ZNF804A: variants seen among roughly 807,000 people sequenced by gnomAD.
ZNF804A encodes the protein zinc finger protein 804A.
Under a neutral mutation model 16.5 loss-of-function variants are expected in ZNF804A, and 2 were observed. That is an observed-to-expected ratio of 0.12 (90% confidence interval 0.05 to 0.38). The LOEUF (loss-of-function observed/expected upper bound fraction) is 0.38, where lower values mean the gene tolerates loss of function less well. Ranked by LOEUF, ZNF804A falls within the 10% of genes least tolerant of loss-of-function variation. The pLI, the probability that ZNF804A is intolerant of heterozygous loss-of-function variation, is 0.99. For synonymous variants in ZNF804A, 534 were observed against 489.6 expected, an observed-to-expected ratio of 1.09 and a Z score of -1.20; for missense variants, 1,473 against 1,390.7, an observed-to-expected ratio of 1.06 and a Z score of -0.94.
chr2:184,834,135 AC>A (rs1558976361), intron 1 of ZNF804A, among the ~76,000 whole-genome samples: 1 of 152,104 alleles, frequency 6.6e-6, no homozygotes, highest in African/African-American at 2.4e-5. Context: ...TTATAAAAAT[AC>A]TTTTTATCTC....
intron 1 of ZNF804A, among the ~76,000 whole-genome samples, chr2:184,661,253 G>T (rs1364880950): frequency 3.3e-5 from 5 of 152,018 alleles, no homozygotes; most frequent in Non-Finnish European, 7.4e-5. Flanking sequence ...CAGCATGCCA[G>T]CCAGGAGTGT....
At chr2:184,815,793 A>G (rs545862494) in intron 1 of ZNF804A, among the ~76,000 whole-genome samples, 126 of 152,168 alleles carry the variant, frequency 8.3e-4, no homozygotes, top group African/African-American at 3.0e-3. Flanking sequence ...AACATCTTAC[A>G]ATGAATGAAA....
At chr2:184,927,608 T>C (rs557185202) in intron 2 of ZNF804A, among the ~76,000 whole-genome samples, 1 of 152,294 alleles carries the variant, frequency 6.6e-6, no homozygotes, top group East Asian at 1.9e-4. Flanking sequence ...AGAGGTTATG[T>C]CTTAAAGCCA....
At chr2:184,725,923 A>T (rs1467553643) in intron 1 of ZNF804A, among the ~76,000 whole-genome samples, 2 of 151,630 alleles carry the variant, frequency 1.3e-5, no homozygotes, top group South Asian at 4.1e-4. Flanking sequence ...ATTCAGCATG[A>T]TGTTCCTGAG....
At chr2:184,620,567 T>C (rs1691401651) in intron 1 of ZNF804A, among the ~76,000 whole-genome samples, 1 of 151,778 alleles carries the variant, frequency 6.6e-6, no homozygotes, top group Non-Finnish European at 1.5e-5. Context: ...ATGATGATTC[T>C]CCCTTTATGA....
At chr2:184,701,500 T>C (rs1439384914) in intron 1 of ZNF804A, among the ~76,000 whole-genome samples, 1 of 151,888 alleles carries the variant, frequency 6.6e-6, no homozygotes, top group Non-Finnish European at 1.5e-5. Context: ...GAAGGCAAAT[T>C]AATATCTAGT....
At chr2:184,673,171 G>A (rs1167639731) in intron 1 of ZNF804A, among the ~76,000 whole-genome samples, 1 of 152,084 alleles carries the variant, frequency 6.6e-6, no homozygotes, top group East Asian at 1.9e-4. Flanking sequence ...GAGGGATGAA[G>A]ATAAGGAAAG....
intron 1 of ZNF804A, among the ~76,000 whole-genome samples, chr2:184,776,207 G>C (rs1466948825): frequency 6.6e-6 from 1 of 151,466 alleles, no homozygotes; most frequent in African/African-American, 2.4e-5. Flanking sequence ...AAAGAAAACA[G>C]AGTTTTTTGT....
chr2:184,887,776 C>T (rs556631875), intron 2 of ZNF804A, among the ~76,000 whole-genome samples: 1 of 152,262 alleles, frequency 6.6e-6, no homozygotes. Flanking sequence ...TCCCACAATA[C>T]ATGGGAATTC....
chr2:184,933,880 C>T (rs1490050903), intron 3 of ZNF804A, 147 bp downstream of exon 3: 1 of 740,560 alleles, frequency 1.4e-6, no homozygotes, highest in African/African-American at 1.8e-5. Flanking sequence ...AGGCTGTAAA[C>T]AGTAATTTGA....
intron 1 of ZNF804A, among the ~76,000 whole-genome samples, chr2:184,608,140 T>A (rs929100980): frequency 1.3e-5 from 2 of 151,012 alleles, no homozygotes; most frequent in African/African-American, 2.4e-5. Flanking sequence ...AGAGACGGGG[T>A]TTCACCGTTT....
intron 1 of ZNF804A, among the ~76,000 whole-genome samples, chr2:184,606,261 G>C (rs937483498): frequency 6.6e-6 from 1 of 152,158 alleles, no homozygotes; most frequent in African/African-American, 2.4e-5. Context: ...CGTGGCTGGG[G>C]AGGCCTCAGA....
At chr2:184,862,896 G>T (rs1014044672) in intron 1 of ZNF804A, among the ~76,000 whole-genome samples, 3 of 152,038 alleles carry the variant, frequency 2.0e-5, no homozygotes, top group Admixed American at 6.5e-5. Context: ...AAAAATGATT[G>T]TGGTTTCTCT....
intron 1 of ZNF804A, among the ~76,000 whole-genome samples, chr2:184,729,414 C>G (rs1693475482): frequency 6.6e-6 from 1 of 151,718 alleles, no homozygotes; most frequent in Admixed American, 6.6e-5. Flanking sequence ...TGAGTATATG[C>G]CAACAGTGAA....
intron 1 of ZNF804A, among the ~76,000 whole-genome samples, chr2:184,599,706 A>G (rs1691015909): frequency 6.6e-6 from 1 of 152,242 alleles, no homozygotes; most frequent in African/African-American, 2.4e-5. Flanking sequence ...TAGAGCCACT[A>G]GGGAAAACGT....
Position 184,936,922 on chromosome 2 carries a change from C to G in ZNF804A, c.1526C>G (p.Thr509Ser). ...DYKDVSTEGL[T>S]DYEIGSSKNK... ...AAGGATGTATCTACAGAAGGACTCA[C>G]TGATTATGAAATTGGAAGTAGCAAA... Residue 509 changes from threonine to serine, a missense_variant, in exon 4 of 4, where the codon ACT becomes AGT. By Grantham distance (58) the Thr-to-Ser change is moderately conservative. Transcript: ENST00000302277. The G allele has an allele frequency of 6.2e-7, 1 of 1,613,878 alleles. No homozygotes were observed. Among genetic ancestry groups the G allele is most frequent in the East Asian group, 2.2e-5 (1 of 44,844 alleles).
intron 1 of ZNF804A, among the ~76,000 whole-genome samples, chr2:184,842,110 G>T (rs1396082956): frequency 6.6e-6 from 1 of 152,108 alleles, no homozygotes; most frequent in Non-Finnish European, 1.5e-5. Flanking sequence ...AATTTTTCAA[G>T]TTAAAATGCT....
chr2:184,935,695 A>G (rs1685772638), intron 3 of ZNF804A, 88 bp from the exon 4 acceptor site: 5 of 1,414,956 alleles, frequency 3.5e-6, no homozygotes, highest in Non-Finnish European at 4.7e-6. Context: ...AAAAAATATT[A>G]TAATGACTTT....
chr2:184,718,720 G>A lies in ZNF804A; in HGVS notation c.111+119650G>A, dbSNP rs115871689. Among the ~76,000 whole-genome samples, 474 of 152,240 alleles carry A rather than the reference G, an allele frequency of 3.1e-3. 2 individuals are homozygous for A. The highest frequency in any genetic ancestry group is 5.4e-3 in the Non-Finnish European group (366 of 68,008). On this transcript the variant is annotated intron_variant, in intron 1 of 3. Transcript: ENST00000302277. ...TCCAGGTCACGCTGATACAAGAAGT[G>A]GGTTTTCATGGTCTTGGGCAGTTCC... is the stretch of plus-strand genomic sequence containing the variant.
Sources: allele counts gnomAD v4.1 joint callset (sites outside exome capture counted in the v4.1 genomes callset), GRCh38; gene constraint gnomAD v4.1.1; transcripts MANE v1.5; gene names NCBI Gene and HGNC (gene_info 2026-07-23, HGNC 2026-07-21).